TCOF1: variants seen among roughly 807,000 people sequenced by gnomAD.
TCOF1 encodes treacle protein.
In TCOF1, 33 loss-of-function variants were observed where a neutral mutation model predicts 149.0. That is an observed-to-expected ratio of 0.22 (90% confidence interval 0.17 to 0.30). The LOEUF (loss-of-function observed/expected upper bound fraction) is 0.30, where lower values mean the gene tolerates loss of function less well. TCOF1 is among the 10% of genes least tolerant of loss of function. TCOF1 has a pLI of 1.00. For missense variants in TCOF1, 1,728 were observed against 1,840.7 expected (o/e 0.94, Z 1.12); for synonymous variants, 789 against 738.8 (o/e 1.07, Z -1.10).
chr5:150,389,261 T>C (rs890719314), intron 18 of TCOF1, among the ~76,000 whole-genome samples: 1 of 152,188 alleles, frequency 6.6e-6, no homozygotes, highest in Non-Finnish European at 1.5e-5. Context: ...AAACCTAAAA[T>C]ATACGTGTGT....
At position 150,375,518 on chromosome 5, in the gene TCOF1, T is replaced by C. The variant is rs111582424; in HGVS notation, c.1668T>C (p.Ser556=). The change falls in exon 11 of 27, where the codon AGT becomes AGC. Residue 556 remains serine, a synonymous_variant. Transcript: ENST00000643257. ...GTAGTGAGGAGTCATCAGACAGCAGTGATGGAGAGGTGCCCACAGCTGTGG... is the reference window on the plus strand; with the variant it reads ...GTAGTGAGGAGTCATCAGACAGCAGCGATGGAGAGGTGCCCACAGCTGTGG... ...ESSSEESSDS[S]DGEVPTAVAP... 1.2e-5 allele frequency: 19 copies of C among 1,614,094 alleles called. No homozygotes were observed. In the African/African-American group the frequency reaches 1.2e-4, roughly 10 times the overall value.
Position 150,391,849 on chromosome 5 carries a change from T to G in TCOF1, c.3298-108T>G, listed in dbSNP as rs1767508337. 7 of 1,205,694 alleles carry G rather than the reference T, an allele frequency of 5.8e-6. No homozygotes were observed. The Admixed American group carries it at 7.8e-5, about 13-fold the overall frequency. 74.7% of individuals were successfully genotyped at this position (1,205,694 alleles called of 1,614,324 possible). A position where few individuals can be genotyped will look rare whatever the true frequency, so the allele number is the denominator to read the frequency against. On this transcript the variant is annotated intron_variant, in intron 20 of 26. Coordinates refer to ENST00000643257, the MANE Select transcript of TCOF1 (RefSeq NM_001371623.1). ...GTTGGAAGGATCAAATGAGGCTGCATGTGTGCCCCATCTAACACAGTTCCT... is the reference window on the plus strand; with the variant it reads ...GTTGGAAGGATCAAATGAGGCTGCAGGTGTGCCCCATCTAACACAGTTCCT...
intron 14 of TCOF1, among the ~76,000 whole-genome samples, chr5:150,377,100 A>G (rs1349639240): frequency 1.3e-5 from 2 of 152,228 alleles, no homozygotes; most frequent in African/African-American, 4.8e-5. Context: ...TGAAATGGGC[A>G]GGGAGAGTGT....
intron 24 of TCOF1, among the ~76,000 whole-genome samples, chr5:150,397,846 T>C (rs1382108984): frequency 6.6e-6 from 1 of 152,190 alleles, no homozygotes; most frequent in Non-Finnish European, 1.5e-5. Context: ...GGTCCATGGA[T>C]GGGACAGAAA....
chr5:150,384,473 C>T (rs1765862033), intron 17 of TCOF1: 1 of 985,466 alleles, frequency 1.0e-6, no homozygotes, highest in Non-Finnish European at 1.2e-6. Flanking sequence ...TGCCCCGACA[C>T]TCTCCTCTCC....
At chr5:150,396,929 A>C in intron 24 of TCOF1, 87 bp downstream of exon 24, 135 of 1,448,438 alleles carry the variant, frequency 9.3e-5, no homozygotes, top group Non-Finnish European at 1.2e-4. Context: ...ACCTGGTCTC[A>C]TTCCTCCCAT....
chr5:150,386,286 G>T (rs1766280873), intron 17 of TCOF1, among the ~76,000 whole-genome samples: 2 of 152,220 alleles, frequency 1.3e-5, no homozygotes, highest in South Asian at 4.1e-4. Context: ...GCCTCAGTGG[G>T]TTCGTTGCTT....
rs1227157422 is a variant in TCOF1 at position 150,375,017 on chromosome 5, A to T, written c.1342A>T (p.Arg448Trp). 1.2e-6 allele frequency: 2 copies of T among 1,613,646 alleles called. No individual in the cohort carries two copies. Among genetic ancestry groups the T allele is most frequent in the Admixed American group, 3.3e-5 (2 of 59,964 alleles). ...CTCGGCCCCTGCCAAGGAGTCCCCC[A>T]GGAAAGGGGCTGCCCCAGCACCTCC... ...AASAPAKESPRKGAAPAPPRK... is the reference protein window; with the variant it reads ...AASAPAKESPWKGAAPAPPRK... The change falls in exon 10 of 27, where the codon AGG (arginine) becomes TGG (tryptophan). Residue 448 changes from arginine (R) to tryptophan (W), a missense_variant. This residue lies in a region of TCOF1 where 1,696 missense variants were observed against 1,765.4 expected (regional missense o/e 0.96). Transcript: ENST00000643257.
At chr5:150,395,975 TGATA>T (rs1285300337) in intron 23 of TCOF1, among the ~76,000 whole-genome samples, 1 of 152,224 alleles carries the variant, frequency 6.6e-6, no homozygotes, top group East Asian at 1.9e-4. Context: ...TTCATTCCAT[TGATA>T]GATTTCAGGC....
intron 8 of TCOF1, 101 bp downstream of exon 8, chr5:150,374,487 C>T: frequency 6.4e-7 from 1 of 1,555,020 alleles, no homozygotes; most frequent in Non-Finnish European, 8.7e-7. Context: ...GGGCGTGCCT[C>T]AGACCCCAGC....
rs758555926 is a variant in TCOF1, at chr5:150,396,531, G to A, written c.4034G>A (p.Ser1345Asn). The stretch of plus-strand genomic sequence containing the variant: ...GAGAGCAGCAGGAAGGGCTGGGAGA[G>A]CCGCAAGCGGAAGCTATCGGGAGAC... Reference protein sequence around the residue: ...TKESSRKGWESRKRKLSGDQP... With the variant: ...TKESSRKGWENRKRKLSGDQP... The change falls in exon 24 of 27, where the codon AGC (serine) becomes AAC (asparagine). Residue 1345 changes from serine to asparagine, a missense_variant. By Grantham distance (46) the Ser-to-Asn change is conservative (BLOSUM62 1). Around this residue, in one of 2 missense-constraint regions of TCOF1, gnomAD observed 1,696 missense variants for 1,765.4 expected, o/e 0.96. Coordinates refer to ENST00000643257, the MANE Select transcript of TCOF1 (RefSeq NM_001371623.1). 2 of 1,604,038 alleles carry A rather than the reference G, an allele frequency of 1.2e-6. No individual in the cohort carries two copies. The highest frequency in any genetic ancestry group is 1.7e-6 in the Non-Finnish European group (2 of 1,175,440).
At chr5:150,389,038 C>T (rs1022324570) in intron 18 of TCOF1, among the ~76,000 whole-genome samples, 1 of 152,110 alleles carries the variant, frequency 6.6e-6, no homozygotes, top group Non-Finnish European at 1.5e-5. Context: ...CCCAGGAGTT[C>T]AAGACCAGCC....
chr5:150,378,914 T>C lies in TCOF1; in HGVS notation c.2350T>C (p.Ser784Pro), dbSNP rs753074517. 1.2e-6 allele frequency: 2 copies of C among 1,613,834 alleles called. No homozygotes were observed. The change falls in exon 15 of 27, where the codon TCA becomes CCA. Residue 784 changes from serine to proline, a missense_variant. Around this residue, in one of 2 missense-constraint regions of TCOF1, gnomAD observed 1,696 missense variants for 1,765.4 expected, o/e 0.96. Transcript: ENST00000643257. ...AAASPAQVKT[S>P]VKKTQAKANP... The stretch of plus-strand genomic sequence containing the variant: ...CCTTTTCTCCACTCAGGTGAAAACC[T>C]CAGTAAAGAAAACCCAGGCCAAAGC...
rs1474406404 is a variant in TCOF1 at position 150,375,741 on chromosome 5, C to T, written c.1725C>T (p.Ile575=). Residue 575 remains isoleucine (I), a synonymous_variant, in exon 12 of 27, where the codon ATC becomes ATT. Coordinates refer to ENST00000643257, the MANE Select transcript of TCOF1 (RefSeq NM_001371623.1). ...TCCAGGAAAAGTCCTTGGGGAACATCCTCCAGGCCAAACCCACCTCCAGTC... is the reference window on the plus strand; with the variant it reads ...TCCAGGAAAAGTCCTTGGGGAACATTCTCCAGGCCAAACCCACCTCCAGTC... ...APAQEKSLGN[I]LQAKPTSSPA... The T allele has an allele frequency of 6.2e-7, 1 of 1,614,256 alleles. No homozygotes were observed. Among genetic ancestry groups the T allele is most frequent in the South Asian group, 1.1e-5 (1 of 91,084 alleles).
At chr5:150,369,917 G>C (rs1299904583) in intron 6 of TCOF1, among the ~76,000 whole-genome samples, 1 of 152,188 alleles carries the variant, frequency 6.6e-6, no homozygotes, top group East Asian at 1.9e-4. Context: ...AAGGGATGTG[G>C]AGGAGGCAGG....
Position 150,387,888 on chromosome 5 carries a change from T to C in TCOF1, c.2860-14T>C, listed in dbSNP as rs752971153. ...TTTAATCACTGGGGGGGTGTTTTGT[T>C]TTTGTTTTTCAAGGTGATTAAACCC... On this transcript the variant is annotated splice_polypyrimidine_tract_variant and intron_variant, in intron 17 of 26. Transcript: ENST00000643257. 3 of 1,613,548 alleles carry C rather than the reference T, an allele frequency of 1.9e-6. No homozygotes were observed. The highest frequency in any genetic ancestry group is 4.5e-5 in the East Asian group (2 of 44,892).
rs7733269 is a variant in TCOF1 at position 150,397,591 on chromosome 5, C to T, written c.4345+749C>T. Among the ~76,000 whole-genome samples the T allele has an allele frequency of 4.9e-3, 748 of 152,224 alleles. 5 individuals are homozygous for T. Among genetic ancestry groups the T allele is most frequent in the African/African-American group, 0.017 (705 of 41,524 alleles). On this transcript the variant is annotated intron_variant, in intron 24 of 26. Coordinates refer to ENST00000643257, the MANE Select transcript of TCOF1 (RefSeq NM_001371623.1). ...GCCACAGAGTTTTGCTAGGTGGAGC[C>T]AGAGTCAAACCTAGGCAGCACTCTC...
chr5:150,357,743 G>C lies in TCOF1; in HGVS notation c.-4G>C, dbSNP rs763455764. Reference sequence around the variant, plus strand: ...AGGTAGCCGGCCGGCCGGGGGTCGCGGGTATGGCCGAGGCCAGGAAGCGGC... The same window carrying C: ...AGGTAGCCGGCCGGCCGGGGGTCGCCGGTATGGCCGAGGCCAGGAAGCGGC... On this transcript the variant is annotated 5_prime_UTR_variant, in exon 1 of 27. Coordinates refer to ENST00000643257, the MANE Select transcript of TCOF1 (RefSeq NM_001371623.1). 3 of 1,548,422 alleles carry C rather than the reference G, an allele frequency of 1.9e-6. No homozygotes were observed. In the South Asian group the frequency reaches 3.6e-5, roughly 18 times the overall value.
At chr5:150,384,012 T>TTTTTA in intron 17 of TCOF1, 1 of 1,380,224 alleles carries the variant, frequency 7.2e-7, no homozygotes, top group Non-Finnish European at 9.4e-7. Context: ...CCCAGAAGCT[T>TTTTTA]CTGCCAGGCA....
Sources: gnomAD v4.1 joint callset for allele counts (sites outside exome capture counted in the v4.1 genomes callset) on GRCh38, gnomAD v4.1.1 for gene constraint, gnomAD v4.1.1 regional missense constraint, MANE v1.5 for transcripts, NCBI Gene and HGNC (gene_info 2026-07-23, HGNC 2026-07-21) for gene names.